The following PLS1 variants were observed in gnomAD, a reference collection of about 807,000 sequenced individuals.
The protein encoded by PLS1 is plastin-1.
PLS1 carries 32 observed loss-of-function variants against 73.7 expected under a neutral mutation model. The observed-to-expected ratio is 0.43, with a 90% CI of 0.33 to 0.58. The LOEUF is 0.58. Ranked by LOEUF, PLS1 falls within the 20% of genes least tolerant of loss-of-function variation. The pLI is 0.04. For missense variants in PLS1, 633 were observed against 740.5 expected, an observed-to-expected ratio of 0.85 and a Z score of 1.68; for synonymous variants, 217 against 261.3, an observed-to-expected ratio of 0.83 and a Z score of 1.63.
chr3:142,700,423 T>C (rs1471696432), intron 12 of PLS1, among the ~76,000 whole-genome samples: 2 of 152,006 alleles, frequency 1.3e-5, no homozygotes, highest in Non-Finnish European at 2.9e-5. Context: ...CCCAGGTTCA[T>C]GCCATTCTCC....
intron 1 of PLS1, among the ~76,000 whole-genome samples, chr3:142,616,839 T>C (rs2036224709): frequency 6.6e-6 from 1 of 152,152 alleles, no homozygotes; most frequent in African/African-American, 2.4e-5. Flanking sequence ...TGACCTCAGG[T>C]GATCCATCAG....
intron 14 of PLS1, among the ~76,000 whole-genome samples, chr3:142,708,309 C>T (rs1333772283): frequency 2.6e-5 from 4 of 152,144 alleles, no homozygotes; most frequent in Admixed American, 6.5e-5. Context: ...TGCAGTGGCG[C>T]GATCTCAGCT....
intron 1 of PLS1, among the ~76,000 whole-genome samples, chr3:142,646,679 C>T (rs1263139530): frequency 1.3e-5 from 2 of 152,236 alleles, no homozygotes; most frequent in Non-Finnish European, 2.9e-5. Context: ...ATAGTTCTTA[C>T]TGTGGAGCTC....
At chr3:142,701,526 A>AG (rs2038331849) in intron 12 of PLS1, among the ~76,000 whole-genome samples, 1 of 152,214 alleles carries the variant, frequency 6.6e-6, no homozygotes, top group South Asian at 2.1e-4. Flanking sequence ...GATTACCTCT[A>AG]GGAACCTAAT....
chr3:142,627,569 T>C (rs2036456016), intron 1 of PLS1, among the ~76,000 whole-genome samples: 1 of 152,176 alleles, frequency 6.6e-6, no homozygotes, highest in Non-Finnish European at 1.5e-5. Flanking sequence ...TCTACATTAA[T>C]CAGTAGACTT....
chr3:142,701,851 A>G (rs190131485), intron 12 of PLS1, among the ~76,000 whole-genome samples: 8 of 152,246 alleles, frequency 5.3e-5, no homozygotes, highest in African/African-American at 9.6e-5. Flanking sequence ...CTGGGTGTCC[A>G]TGGTAAATAT....
At chr3:142,698,121 G>T (rs538738350) in intron 12 of PLS1, 54 bp downstream of exon 12, 5 of 1,056,496 alleles carry the variant, frequency 4.7e-6, no homozygotes, top group South Asian at 2.6e-5. Context: ...ATGAAACAAA[G>T]AATTTAGAGT....
intron 1 of PLS1, among the ~76,000 whole-genome samples, chr3:142,602,248 G>A (rs2035940450): frequency 6.6e-6 from 1 of 152,082 alleles, no homozygotes; most frequent in South Asian, 2.1e-4. Flanking sequence ...GGGTGGAGCT[G>A]TGATTGGGGA....
intron 2 of PLS1, among the ~76,000 whole-genome samples, chr3:142,666,462 T>C (rs1214715431): frequency 1.3e-5 from 2 of 152,250 alleles, no homozygotes; most frequent in Non-Finnish European, 2.9e-5. Flanking sequence ...ATCCATGTTG[T>C]AGCCTGTGTC....
chr3:142,637,436 A>G (rs1388705943), intron 1 of PLS1, among the ~76,000 whole-genome samples: 1 of 152,200 alleles, frequency 6.6e-6, no homozygotes, highest in African/African-American at 2.4e-5. Context: ...AATCATAGAC[A>G]TGTTCACTTT....
At position 142,615,918 on chromosome 3, in the gene PLS1, C is replaced by T. The variant is rs150821539; in HGVS notation, c.-37+19409C>T. Among the ~76,000 whole-genome samples, 12 of 152,322 alleles carry T rather than the reference C, an allele frequency of 7.9e-5. No homozygotes were observed. The East Asian group carries it at 2.1e-3, about 27-fold the overall frequency. On this transcript the variant is annotated intron_variant, in intron 1 of 15. Transcript: ENST00000457734. ...AAGCTTACTAGACATGCAGACTTTTCGTCTCCATTCCAGACAAACTGAATC... is the reference window on the plus strand; with the variant it reads ...AAGCTTACTAGACATGCAGACTTTTTGTCTCCATTCCAGACAAACTGAATC...
chr3:142,622,768 A>G (rs562110135), intron 1 of PLS1, among the ~76,000 whole-genome samples: 19 of 152,310 alleles, frequency 1.2e-4, no homozygotes, highest in Admixed American at 9.2e-4. Context: ...ATACTATAAC[A>G]TGTTTTCAGT....
intron 1 of PLS1, among the ~76,000 whole-genome samples, chr3:142,622,189 A>G (rs1351882949): frequency 1.3e-5 from 2 of 152,232 alleles, no homozygotes; most frequent in African/African-American, 4.8e-5. Flanking sequence ...AAAGAGCAAG[A>G]ATAAGCCTTC....
At chr3:142,651,391 G>A (rs1560049500) in intron 1 of PLS1, among the ~76,000 whole-genome samples, 1 of 149,186 alleles carries the variant, frequency 6.7e-6, no homozygotes, top group Admixed American at 6.7e-5. Flanking sequence ...GAACCCAGGA[G>A]GCAGAGGTTG....
intron 12 of PLS1, among the ~76,000 whole-genome samples, chr3:142,699,565 T>A (rs575427599): frequency 6.6e-6 from 1 of 152,320 alleles, no homozygotes; most frequent in South Asian, 2.1e-4. Flanking sequence ...GTTCTGCACA[T>A]GTATACCAGA....
At chr3:142,631,664 GAAA>G (rs71153981) in intron 1 of PLS1, among the ~76,000 whole-genome samples, 3 of 39,430 alleles carry the variant, frequency 7.6e-5, no homozygotes, top group South Asian at 1.5e-3. Flanking sequence ...CCTGTCTCTA[GAAA>G]AAAAAAAAAA....
Position 142,711,906 on chromosome 3 carries a change from C to G in PLS1, c.1789C>G (p.Arg597Gly), listed in dbSNP as rs373334764. ...AISVARKIGA[R>G]IYALPDDLVE... is the part of the protein sequence containing the mutation. ...TTCAGTTGCTCGAAAGATCGGTGCC[C>G]GGATATATGCATTACCTGATGACCT... Residue 597 changes from arginine to glycine, a missense_variant, in exon 16 of 16, where the codon CGG becomes GGG. By Grantham distance (125) the Arg-to-Gly change is moderately radical. Coordinates refer to ENST00000457734, the MANE Select transcript of PLS1 (RefSeq NM_001145319.2). 6.2e-7 allele frequency: 1 copy of G among 1,613,342 alleles called. No individual in the cohort carries two copies. The highest frequency in any genetic ancestry group is 2.2e-5 in the East Asian group (1 of 44,840).
chr3:142,706,639 T>C (rs1448474145), intron 14 of PLS1, among the ~76,000 whole-genome samples: 1 of 152,120 alleles, frequency 6.6e-6, no homozygotes, highest in Admixed American at 6.5e-5. Context: ...GGGAGAATAG[T>C]GTAACTGCAA....
intron 6 of PLS1, among the ~76,000 whole-genome samples, chr3:142,682,012 A>G (rs2037866835): frequency 6.6e-6 from 1 of 152,220 alleles, no homozygotes; most frequent in South Asian, 2.1e-4. Context: ...GACAAAGCTG[A>G]GTTAACTGTT....
Sources: gnomAD v4.1 joint callset for allele counts (sites outside exome capture counted in the v4.1 genomes callset) on GRCh38, gnomAD v4.1.1 for gene constraint, MANE v1.5 for transcripts, NCBI Gene and HGNC (gene_info 2026-07-23, HGNC 2026-07-21) for gene names.